Variants in MBNL2 observed in about 807,000 individuals in gnomAD.
MBNL2 encodes the protein muscleblind-like protein 2.
In MBNL2, 17 loss-of-function variants were observed where a neutral mutation model predicts 41.9. The observed-to-expected ratio is 0.41, with a 90% CI of 0.28 to 0.61. The LOEUF (loss-of-function observed/expected upper bound fraction) is 0.61. Ranked by LOEUF, MBNL2 falls within the 20% of genes least tolerant of loss-of-function variation. The probability of loss-of-function intolerance (pLI) is 0.35; values close to 1 mark genes in which losing one functional copy is unlikely to be tolerated. For synonymous variants in MBNL2, 195 were observed against 182.9 expected (o/e 1.07, Z -0.53); for missense variants, 336 against 505.6 (o/e 0.66, Z 3.22).
chr13:97,186,149 G>A, the MBNL2 span, among the ~76,000 whole-genome samples: 1 of 152,214 alleles, frequency 6.6e-6, no homozygotes, highest in African/African-American at 2.4e-5. Context: ...ACCAAAAGGG[G>A]AGGTGAGACG....
the MBNL2 span, among the ~76,000 whole-genome samples, chr13:97,154,844 C>T: frequency 7.5e-6 from 1 of 133,684 alleles, no homozygotes; most frequent in Non-Finnish European, 1.6e-5. Context: ...GATGGATAGA[C>T]AAGCTGATTC....
chr13:97,356,231 T>C (rs566657709), intron 5 of MBNL2, among the ~76,000 whole-genome samples: 1 of 149,994 alleles, frequency 6.7e-6, no homozygotes, highest in Admixed American at 6.8e-5. Context: ...AATCTTGTGT[T>C]TGAATATTTT....
chr13:97,212,716 G>T, the MBNL2 span, among the ~76,000 whole-genome samples: 2 of 152,204 alleles, frequency 1.3e-5, no homozygotes, highest in African/African-American at 2.4e-5. Context: ...ATAGCATTGT[G>T]CTTGACTCAG....
chr13:97,388,314 C>CATACATATATATAT (rs1555323244), intron 8 of MBNL2, among the ~76,000 whole-genome samples: 16 of 139,696 alleles, frequency 1.1e-4, no homozygotes, highest in African/African-American at 3.7e-4. Context: ...TACATACATA[C>CATACATATATATAT]ATATATATAT....
chr13:97,333,513 G>A (rs994436999), intron 2 of MBNL2, among the ~76,000 whole-genome samples: 16 of 152,202 alleles, frequency 1.1e-4, no homozygotes, highest in Non-Finnish European at 7.3e-5. Context: ...GGCAAGGCAG[G>A]TATATAGAGT....
chr13:97,345,870 C>T (rs896229637), intron 4 of MBNL2, among the ~76,000 whole-genome samples: 19 of 151,026 alleles, frequency 1.3e-4, no homozygotes, highest in African/African-American at 4.6e-4. Context: ...TATCCCTCCA[C>T]ACACACAAAA....
the MBNL2 span, among the ~76,000 whole-genome samples, chr13:97,142,328 G>T: frequency 6.6e-6 from 1 of 152,078 alleles, no homozygotes; most frequent in Non-Finnish European, 1.5e-5. Context: ...ATGGAACTTC[G>T]CCTGTCATAA....
At chr13:97,154,524 C>G in the MBNL2 span, among the ~76,000 whole-genome samples, 1 of 152,064 alleles carries the variant, frequency 6.6e-6, no homozygotes, top group Non-Finnish European at 1.5e-5. Flanking sequence ...GCATGTTAAC[C>G]AGCCTGGTCT....
the MBNL2 span, among the ~76,000 whole-genome samples, chr13:97,204,135 C>T: frequency 2.6e-5 from 4 of 152,274 alleles, no homozygotes; most frequent in South Asian, 2.1e-4. Context: ...TGGATTTACC[C>T]GAGACAGAGG....
chr13:97,376,804 C>G (rs1401681786), intron 8 of MBNL2, among the ~76,000 whole-genome samples: 1 of 152,098 alleles, frequency 6.6e-6, no homozygotes, highest in African/African-American at 2.4e-5. Flanking sequence ...CACCATCATA[C>G]CATACCTCTA....
chr13:97,252,855 G>A (rs1294709364), intron 1 of MBNL2, among the ~76,000 whole-genome samples: 2 of 152,052 alleles, frequency 1.3e-5, no homozygotes, highest in East Asian at 1.9e-4. Context: ...CAGTAGCTAT[G>A]CCATATATTA....
intron 3 of MBNL2, among the ~76,000 whole-genome samples, chr13:97,342,362 A>G (rs919402137): frequency 6.6e-6 from 1 of 152,174 alleles, no homozygotes; most frequent in African/African-American, 2.4e-5. Flanking sequence ...GCCAATCACA[A>G]TATTGTTTGA....
At position 97,334,549 on chromosome 13, in the gene MBNL2, T is replaced by G. The variant is rs1329984815; in HGVS notation, c.339+109T>G. The G allele has an allele frequency of 2.9e-6, 2 of 687,682 alleles. No individual in the cohort carries two copies. Among genetic ancestry groups the G allele is most frequent in the African/African-American group, 1.8e-5 (1 of 54,064 alleles). 42.6% of individuals were successfully genotyped at this position (687,682 alleles called of 1,614,324 possible). On this transcript the variant is annotated intron_variant, in intron 3 of 8. Coordinates refer to ENST00000679496, the MANE Select transcript of MBNL2 (RefSeq NM_001382683.1). This position sits in a 1 kb window ranked among gnomAD's most constrained non-coding sequence, Gnocchi z 5.3. ...TCCACTTTGTCACTTTGGTTACAAT[T>G]AAAGCAAATAGCTTTAAAGCTCAAT...
intron 2 of MBNL2, among the ~76,000 whole-genome samples, chr13:97,332,563 T>C (rs1188232398): frequency 6.6e-6 from 1 of 152,098 alleles, no homozygotes; most frequent in Non-Finnish European, 1.5e-5. Flanking sequence ...AGCAAAGAGA[T>C]TTAGGATTAA....
Position 97,347,387 on chromosome 13 carries a change from AT to A in MBNL2, c.804+321del, listed in dbSNP as rs2061981661. ...TTAAGAGAGGCTCAGGGGCCTTGTA[AT>A]GAACATGAAGGTGGGCACCGCTTCG... On this transcript the variant is annotated intron_variant, in intron 5 of 8. Transcript: ENST00000679496. Among the ~76,000 whole-genome samples the A allele has an allele frequency of 3.9e-5, 6 of 152,246 alleles. No homozygotes were observed. The South Asian group carries it at 1.0e-3, about 26-fold the overall frequency.
the MBNL2 span, among the ~76,000 whole-genome samples, chr13:97,165,459 C>T: frequency 6.6e-6 from 1 of 152,034 alleles, no homozygotes. Flanking sequence ...TTTAAAATGC[C>T]TTTTATGGGT....
At chr13:97,196,409 A>G in the MBNL2 span, among the ~76,000 whole-genome samples, 1 of 152,194 alleles carries the variant, frequency 6.6e-6, no homozygotes, top group East Asian at 1.9e-4. Flanking sequence ...GCAGAATTCA[A>G]TTTAAATGGT....
At chr13:97,195,022 T>G in the MBNL2 span, among the ~76,000 whole-genome samples, 7 of 152,326 alleles carry the variant, frequency 4.6e-5, no homozygotes, top group East Asian at 1.2e-3. Flanking sequence ...ATTCTTTTTT[T>G]TCTTTGCTTC....
intron 1 of MBNL2, among the ~76,000 whole-genome samples, chr13:97,244,994 T>G (rs2045158021): frequency 6.6e-6 from 1 of 152,052 alleles, no homozygotes; most frequent in Non-Finnish European, 1.5e-5. Flanking sequence ...CATTAAGAAG[T>G]TCTTATTAAT....
Sources: gnomAD v4.1 joint callset for allele counts (sites outside exome capture counted in the v4.1 genomes callset) on GRCh38, gnomAD v4.1.1 for gene constraint, Gnocchi (gnomAD v3.1) non-coding constraint, MANE v1.5 for transcripts, NCBI Gene and HGNC (gene_info 2026-07-23, HGNC 2026-07-21) for gene names.